Variants in PDE4D observed in about 807,000 individuals in gnomAD.
The protein encoded by PDE4D is phosphodiesterase 4D, also known as 3',5'-cyclic-AMP phosphodiesterase 4D.
PDE4D carries 24 observed loss-of-function variants against 87.4 expected under a neutral mutation model. The observed-to-expected ratio is 0.27, with a 90% CI of 0.20 to 0.39. The LOEUF (loss-of-function observed/expected upper bound fraction) is 0.39. PDE4D is among the 10% of genes least tolerant of loss of function. The pLI is 1.00. For synonymous variants in PDE4D, 384 were observed against 383.2 expected, an observed-to-expected ratio of 1.00 and a Z score of -0.02; for missense variants, 714 against 1,041.0, an observed-to-expected ratio of 0.69 and a Z score of 4.32.
chr5:60,362,152 A>C (rs1760129598), intron 1 of PDE4D, among the ~76,000 whole-genome samples: 1 of 152,212 alleles, frequency 6.6e-6, no homozygotes, highest in Non-Finnish European at 1.5e-5. Flanking sequence ...CTTGTTGAGG[A>C]GATTATACTG....
intron 1 of PDE4D, among the ~76,000 whole-genome samples, chr5:60,233,637 C>T (rs1746077919): frequency 2.0e-5 from 3 of 151,430 alleles, no homozygotes; most frequent in Non-Finnish European, 3.0e-5. Flanking sequence ...AGGTAATTTT[C>T]CAAGAAACAA....
chr5:59,736,098 T>C (rs141218008), intron 1 of PDE4D, among the ~76,000 whole-genome samples: 3 of 151,630 alleles, frequency 2.0e-5, no homozygotes, highest in Non-Finnish European at 4.4e-5. Context: ...ATTGTGCACA[T>C]GTACCCTAAA....
intron 2 of PDE4D, among the ~76,000 whole-genome samples, chr5:60,146,151 T>C (rs1582860423): frequency 6.6e-6 from 1 of 152,060 alleles, no homozygotes; most frequent in Non-Finnish European, 1.5e-5. Flanking sequence ...GAGGCGGAGG[T>C]TGCAGTGAGC....
At chr5:59,160,827 G>C (rs1276022444) in intron 5 of PDE4D, among the ~76,000 whole-genome samples, 3 of 152,140 alleles carry the variant, frequency 2.0e-5, no homozygotes, top group African/African-American at 7.2e-5. Context: ...GCCGGGTGTG[G>C]TGGCTCACGC....
rs1286197200 is a variant in PDE4D at position 60,248,167 on chromosome 5, CCT to C, written c.-89-62482_-89-62481del. ...TATTTTAGATAGCATGGCCACAGAACCTCTCTTTTTAAGTGCTATTTGAACAG... is the reference window on the plus strand; with the variant it reads ...TATTTTAGATAGCATGGCCACAGAACCTCTTTTTAAGTGCTATTTGAACAG... On this transcript the variant is annotated intron_variant, in intron 1 of 16. Coordinates refer to the PDE4D transcript ENST00000502484. 1.2e-4 allele frequency among the ~76,000 whole-genome samples: 18 copies of C among 151,820 alleles called. 1 individual carries two copies. Among genetic ancestry groups the C allele is most frequent in the Admixed American group, 1.2e-3 (18 of 15,212 alleles).
At chr5:60,456,458 T>G (rs752358073) in intron 1 of PDE4D, among the ~76,000 whole-genome samples, 1 of 152,232 alleles carries the variant, frequency 6.6e-6, no homozygotes, top group South Asian at 2.1e-4. Context: ...CTGAATAGTA[T>G]TTGGTTGTGC....
intron 1 of PDE4D, among the ~76,000 whole-genome samples, chr5:59,790,206 T>G (rs1035443246): frequency 6.6e-6 from 1 of 152,220 alleles, no homozygotes; most frequent in African/African-American, 2.4e-5. Flanking sequence ...CCTTGTCTAC[T>G]TTCAAACAAC....
At chr5:59,295,212 C>T (rs1409113682) in intron 1 of PDE4D, among the ~76,000 whole-genome samples, 1 of 152,072 alleles carries the variant, frequency 6.6e-6, no homozygotes, top group Admixed American at 6.6e-5. Flanking sequence ...AACCAAATAA[C>T]GTTTTACTAT....
chr5:60,141,738 A>G (rs1466819820), intron 2 of PDE4D, among the ~76,000 whole-genome samples: 1 of 152,150 alleles, frequency 6.6e-6, no homozygotes, highest in African/African-American at 2.4e-5. Flanking sequence ...TGCCATTTAA[A>G]TAGACATAAT....
chr5:59,356,731 C>A, intron 1 of PDE4D: 1 of 1,557,630 alleles, frequency 6.4e-7, no homozygotes, highest in African/African-American at 1.4e-5. Context: ...ACAATTCTTC[C>A]TAGCTACAAA....
intron 1 of PDE4D, among the ~76,000 whole-genome samples, chr5:60,448,116 G>A (rs1745799859): frequency 6.6e-6 from 1 of 151,912 alleles, no homozygotes; most frequent in African/African-American, 2.4e-5. Flanking sequence ...AAATAGATTG[G>A]AACATTTACA....
intron 3 of PDE4D, among the ~76,000 whole-genome samples, chr5:59,944,404 G>C (rs1404948667): frequency 6.6e-6 from 1 of 151,468 alleles, no homozygotes; most frequent in Non-Finnish European, 1.5e-5. Flanking sequence ...ACGGAGTCTC[G>C]CTCTGTCGCC....
intron 1 of PDE4D, among the ~76,000 whole-genome samples, chr5:59,445,653 T>C (rs556187319): frequency 6.6e-6 from 1 of 152,332 alleles, no homozygotes; most frequent in Admixed American, 6.5e-5. Flanking sequence ...TCCGGCAACT[T>C]GTAAGCATAG....
intron 1 of PDE4D, among the ~76,000 whole-genome samples, chr5:59,532,143 G>A (rs1814349229): frequency 6.6e-6 from 1 of 151,940 alleles, no homozygotes; most frequent in African/African-American, 2.4e-5. Context: ...AGATTTTTTT[G>A]TTTTGATTTT....
At chr5:60,325,005 A>T (rs1395329306) in intron 1 of PDE4D, among the ~76,000 whole-genome samples, 1 of 152,234 alleles carries the variant, frequency 6.6e-6, no homozygotes, top group Non-Finnish European at 1.5e-5. Flanking sequence ...AAAAACTAAA[A>T]GAACATGGTG....
chr5:59,400,941 G>A (rs1264553754), intron 1 of PDE4D, among the ~76,000 whole-genome samples: 1 of 152,100 alleles, frequency 6.6e-6, no homozygotes, highest in Non-Finnish European at 1.5e-5. Flanking sequence ...TACAGGTTGA[G>A]CATCCCCATC....
chr5:59,044,473 T>C (rs527613228), intron 5 of PDE4D, among the ~76,000 whole-genome samples: 86 of 152,368 alleles, frequency 5.6e-4, no homozygotes, highest in African/African-American at 2.0e-3. Context: ...CTACAGTAGA[T>C]AGAACTGGAA....
intron 3 of PDE4D, among the ~76,000 whole-genome samples, chr5:59,968,517 T>C (rs1409889727): frequency 6.6e-6 from 1 of 152,054 alleles, no homozygotes; most frequent in Admixed American, 6.6e-5. Flanking sequence ...TACCTAAGCA[T>C]CATGCAATAA....
At chr5:60,347,213 G>A (rs1311298728) in intron 1 of PDE4D, among the ~76,000 whole-genome samples, 1 of 152,036 alleles carries the variant, frequency 6.6e-6, no homozygotes, top group African/African-American at 2.4e-5. Flanking sequence ...TCCAGGACAT[G>A]GGCAGAAAGA....
Sources: allele counts gnomAD v4.1 joint callset (sites outside exome capture counted in the v4.1 genomes callset), GRCh38; gene constraint gnomAD v4.1.1; transcripts MANE v1.5; gene names NCBI Gene and HGNC (gene_info 2026-07-23, HGNC 2026-07-21).